DIAPH2: variants seen among roughly 807,000 people sequenced by gnomAD.
DIAPH2 encodes the protein diaphanous related formin 2.
A neutral mutation model predicts 92.7 loss-of-function variants in DIAPH2; 35 were observed. That is an observed-to-expected ratio of 0.38 (90% CI 0.29 to 0.50). DIAPH2 has a LOEUF of 0.50. Among genes scored for constraint, DIAPH2 ranks in the 20% least tolerant of loss-of-function variants. The pLI is 0.94. For missense variants in DIAPH2, 701 were observed against 819.5 expected (o/e 0.86, Z 1.77); for synonymous variants, 301 against 280.4 (o/e 1.07, Z -0.73).
intron 3 of DIAPH2, among the ~76,000 whole-genome samples, chrX:96,744,677 G>T: frequency 8.9e-6 from 1 of 112,076 alleles, no homozygotes; most frequent in Non-Finnish European, 1.9e-5. Flanking sequence ...ATGGAAAACT[G>T]TTAAAAATGT....
At chrX:96,908,488 G>A (rs1235601523) in intron 5 of DIAPH2, among the ~76,000 whole-genome samples, 1 of 111,455 alleles carries the variant, frequency 9.0e-6, no homozygotes, top group African/African-American at 3.3e-5. Context: ...GTCATCAACT[G>A]TATTCTTATC....
At chrX:97,130,952 A>C (rs2067133790) in intron 21 of DIAPH2, among the ~76,000 whole-genome samples, 1 of 110,301 alleles carries the variant, frequency 9.1e-6, no homozygotes, top group African/African-American at 3.3e-5. Flanking sequence ...AGAAAAATAC[A>C]AAAATTAGCA....
At chrX:96,875,807 A>T (rs2065174648) in intron 4 of DIAPH2, among the ~76,000 whole-genome samples, 1 of 111,591 alleles carries the variant, frequency 9.0e-6, no homozygotes. Flanking sequence ...AAACCATAAA[A>T]CCCTAGAAGA....
intron 19 of DIAPH2, among the ~76,000 whole-genome samples, chrX:97,096,803 C>CA (rs1409020425): frequency 9.0e-6 from 1 of 111,544 alleles, no homozygotes; most frequent in Non-Finnish European, 1.9e-5. Context: ...GAATCACATC[C>CA]AAAAAACAAC....
intron 16 of DIAPH2, among the ~76,000 whole-genome samples, 174 bp from the exon 17 acceptor site, chrX:96,964,919 C>T (rs2065885614): frequency 9.0e-6 from 1 of 111,622 alleles, no homozygotes; most frequent in Admixed American, 9.5e-5. Context: ...TCACATAATT[C>T]TGAATTTCCC....
At chrX:97,126,135 C>T (rs939905188) in intron 21 of DIAPH2, among the ~76,000 whole-genome samples, 2 of 111,786 alleles carry the variant, frequency 1.8e-5, no homozygotes, top group Non-Finnish European at 3.8e-5. Context: ...ACATGAATGG[C>T]ATTTAGTGAA....
intron 25 of DIAPH2, among the ~76,000 whole-genome samples, chrX:97,392,395 A>C (rs1268092577): frequency 8.9e-6 from 1 of 112,137 alleles, no homozygotes; most frequent in Non-Finnish European, 1.9e-5. Context: ...TTTGTCAGAG[A>C]AATAAAATAA....
chrX:96,957,775 GT>G (rs1243241796), intron 15 of DIAPH2, 52 bp from the exon 16 acceptor site: 2 of 901,133 alleles, frequency 2.2e-6, no homozygotes, highest in Non-Finnish European at 3.1e-6. Flanking sequence ...TATTTCTTCA[GT>G]TTTTTCAATT....
chrX:97,468,640 A>G (rs1052380908), intron 26 of DIAPH2, among the ~76,000 whole-genome samples: 353 of 3,096 alleles, frequency 0.11, no homozygotes, highest in South Asian at 0.17. Flanking sequence ...GTCTTTGTGA[A>G]AAAAAAAAAA....
At chrX:97,353,937 C>T (rs748713251) in intron 24 of DIAPH2, among the ~76,000 whole-genome samples, 7 of 110,614 alleles carry the variant, frequency 6.3e-5, no homozygotes, top group Admixed American at 1.9e-4. Context: ...ACCTCAGCCT[C>T]CTAAGTAACT....
intron 22 of DIAPH2, among the ~76,000 whole-genome samples, chrX:97,221,670 A>T (rs1363894652): frequency 8.9e-6 from 1 of 111,895 alleles, no homozygotes; most frequent in African/African-American, 3.2e-5. Context: ...TCTGCTGTAC[A>T]TAAAAATAGT....
intron 4 of DIAPH2, among the ~76,000 whole-genome samples, chrX:96,764,379 C>T (rs971831798): frequency 3.6e-5 from 4 of 110,274 alleles, no homozygotes; most frequent in Admixed American, 9.7e-5. Flanking sequence ...GAGAACCAAA[C>T]CATGTGTGTG....
chrX:97,074,155 T>A (rs968179534), intron 18 of DIAPH2, among the ~76,000 whole-genome samples: 1 of 111,811 alleles, frequency 8.9e-6, no homozygotes, highest in Non-Finnish European at 1.9e-5. Flanking sequence ...GCCTATAATC[T>A]CAGCACTTTG....
In DIAPH2 at chrX:97,184,471, A is replaced by C. The variant is rs371504644; in HGVS notation, c.2719+42677A>C. Among the ~76,000 whole-genome samples the C allele has an allele frequency of 6.2e-5, 7 of 112,003 alleles. No homozygotes were observed. In the East Asian group the frequency reaches 8.4e-4, roughly 13 times the overall value. The stretch of plus-strand genomic sequence containing the variant: ...TACAGTAGTGGAGAGGAGGTTGTAA[A>C]GCATAAAGTTTACCTGTTTTGCTCA... On this transcript the variant is annotated intron_variant, in intron 22 of 26. Coordinates refer to ENST00000324765, the MANE Select transcript of DIAPH2 (RefSeq NM_006729.5).
At chrX:97,149,018 G>A (rs1204567244) in intron 22 of DIAPH2, among the ~76,000 whole-genome samples, 1 of 111,319 alleles carries the variant, frequency 9.0e-6, no homozygotes, top group Non-Finnish European at 1.9e-5. Context: ...GGGAGTGACT[G>A]TCTCAATGTG....
chrX:97,509,138 C>G (rs1302882856), intron 26 of DIAPH2, among the ~76,000 whole-genome samples: 2 of 109,245 alleles, frequency 1.8e-5, no homozygotes, highest in Non-Finnish European at 3.8e-5. Context: ...CCTCCGCCTC[C>G]CAGGTTCAAG....
intron 22 of DIAPH2, among the ~76,000 whole-genome samples, chrX:97,222,318 C>T (rs1461462450): frequency 1.8e-5 from 2 of 111,389 alleles, no homozygotes; most frequent in Non-Finnish European, 3.8e-5. Context: ...AATTCTCCTG[C>T]CTCAGCCTCC....
chrX:96,689,659 C>T (rs1297238311), intron 1 of DIAPH2, among the ~76,000 whole-genome samples: 3 of 110,834 alleles, frequency 2.7e-5, no homozygotes, highest in Non-Finnish European at 5.7e-5. Flanking sequence ...CCCCCTTTCA[C>T]AGCCCAGCTC....
rs1362919399 is a variant in DIAPH2, at chrX:97,357,098, G to C, written c.3009+8818G>C. Among the ~76,000 whole-genome samples, 15 of 111,634 alleles carry C rather than the reference G, an allele frequency of 1.3e-4. No homozygotes were observed. The Admixed American group carries it at 1.4e-3, about 11-fold the overall frequency. On this transcript the variant is annotated intron_variant, in intron 24 of 26. Transcript: ENST00000324765. ...CTCATGCAGAATTTTTCACAGAAGT[G>C]TTCCCTATAAATAAGTTATTATTGA...
Sources: allele counts gnomAD v4.1 joint callset (sites outside exome capture counted in the v4.1 genomes callset), GRCh38; gene constraint gnomAD v4.1.1; transcripts MANE v1.5; gene names NCBI Gene and HGNC (gene_info 2026-07-23, HGNC 2026-07-21).